CADM2: variants seen among roughly 807,000 people sequenced by gnomAD.
The protein encoded by CADM2 is cell adhesion molecule 2.
Under a neutral mutation model 49.8 loss-of-function variants are expected in CADM2, and 12 were observed. The observed-to-expected ratio is 0.24, with a 90% CI of 0.15 to 0.39. The LOEUF is 0.39. Among genes scored for constraint, CADM2 ranks in the 10% least tolerant of loss-of-function variants. The pLI is 1.00. For missense variants in CADM2, 378 were observed against 492.3 expected, an observed-to-expected ratio of 0.77 and a Z score of 2.20; for synonymous variants, 214 against 175.4, an observed-to-expected ratio of 1.22 and a Z score of -1.74.
chr3:85,339,830 T>A (rs4856566), intron 1 of CADM2, among the ~76,000 whole-genome samples: 124,377 of 151,260 alleles, frequency 0.82, 51,996 homozygotes, highest in Non-Finnish European at 0.88. Flanking sequence ...AACCAGTGAT[T>A]CTTAGATGAT....
intron 1 of CADM2, among the ~76,000 whole-genome samples, chr3:85,236,469 T>A (rs891869523): frequency 6.6e-6 from 1 of 152,082 alleles, no homozygotes; most frequent in Admixed American, 6.6e-5. Context: ...TTCAATTGCA[T>A]ATTTTTAATG....
intron 7 of CADM2, among the ~76,000 whole-genome samples, chr3:85,942,849 C>T (rs558342052): frequency 1.4e-4 from 22 of 152,118 alleles, no homozygotes; most frequent in African/African-American, 5.1e-4. Context: ...GGTATATACC[C>T]AGTAATGGGA....
chr3:85,944,876 G>A (rs1483230935), intron 7 of CADM2, among the ~76,000 whole-genome samples: 1 of 151,934 alleles, frequency 6.6e-6, no homozygotes, highest in Non-Finnish European at 1.5e-5. Flanking sequence ...AACTAGAGAA[G>A]CAAGAGCAAA....
chr3:86,038,740 T>G (rs1266057539), intron 8 of CADM2, among the ~76,000 whole-genome samples: 3 of 152,202 alleles, frequency 2.0e-5, no homozygotes, highest in Admixed American at 6.5e-5. Flanking sequence ...GTCAAATAAC[T>G]CTGCATTTTT....
intron 1 of CADM2, among the ~76,000 whole-genome samples, chr3:85,275,544 T>C (rs770563770): frequency 6.6e-6 from 1 of 151,336 alleles, no homozygotes; most frequent in Admixed American, 6.6e-5. Flanking sequence ...TTAATAAAAA[T>C]ATAAAATCTT....
At chr3:85,959,503 A>T (rs1468762260) in intron 7 of CADM2, among the ~76,000 whole-genome samples, 1 of 151,844 alleles carries the variant, frequency 6.6e-6, no homozygotes, top group Non-Finnish European at 1.5e-5. Context: ...GAAACTTCTG[A>T]TTAGAACATC....
chr3:85,460,047 T>A (rs2038170010), intron 1 of CADM2, among the ~76,000 whole-genome samples: 1 of 152,192 alleles, frequency 6.6e-6, no homozygotes, highest in African/African-American at 2.4e-5. Flanking sequence ...CTGTAAAAAA[T>A]GTTTTCATCT....
intron 1 of CADM2, among the ~76,000 whole-genome samples, chr3:85,574,703 T>G (rs1255393846): frequency 6.6e-6 from 1 of 152,186 alleles, no homozygotes; most frequent in African/African-American, 2.4e-5. Flanking sequence ...ATATACCCAG[T>G]GTAAAATCCT....
chr3:85,355,191 A>G (rs1221985191), intron 1 of CADM2, among the ~76,000 whole-genome samples: 3 of 152,152 alleles, frequency 2.0e-5, no homozygotes. Flanking sequence ...TCAAAACTGC[A>G]AAGAGGGAAG....
intron 2 of CADM2, among the ~76,000 whole-genome samples, chr3:85,795,106 C>T (rs2071545772): frequency 6.6e-6 from 1 of 151,912 alleles, no homozygotes; most frequent in South Asian, 2.1e-4. Context: ...GTGGTAAGAA[C>T]ATTAAAAATC....
intron 1 of CADM2, among the ~76,000 whole-genome samples, chr3:85,462,249 C>T (rs772901171): frequency 4.6e-5 from 7 of 152,126 alleles, no homozygotes; most frequent in Non-Finnish European, 1.0e-4. Flanking sequence ...AACATTGTTA[C>T]TTCAGCCTAT....
intron 1 of CADM2, among the ~76,000 whole-genome samples, chr3:85,555,364 G>A (rs1302781282): frequency 6.6e-6 from 1 of 152,084 alleles, no homozygotes; most frequent in African/African-American, 2.4e-5. Flanking sequence ...TTTTACACAA[G>A]ATCTTAGATG....
chr3:85,687,941 G>T (rs2066265310), intron 1 of CADM2, among the ~76,000 whole-genome samples: 1 of 152,150 alleles, frequency 6.6e-6, no homozygotes, highest in South Asian at 2.1e-4. Flanking sequence ...GGTTCTCATA[G>T]GAGCACAAGC....
chr3:85,762,275 GTACC>G (rs2069428337), intron 2 of CADM2, among the ~76,000 whole-genome samples: 2 of 152,196 alleles, frequency 1.3e-5, no homozygotes, highest in Admixed American at 1.3e-4. Flanking sequence ...TTTGCCGTGT[GTACC>G]TACCTATCTT....
chr3:85,467,440 T>C (rs2038547400), intron 1 of CADM2, among the ~76,000 whole-genome samples: 1 of 152,172 alleles, frequency 6.6e-6, no homozygotes, highest in African/African-American at 2.4e-5. Context: ...AATTTAAGGA[T>C]GATAGCTCTT....
intron 8 of CADM2, among the ~76,000 whole-genome samples, chr3:86,062,685 G>A (rs1183902159): frequency 1.3e-5 from 2 of 152,108 alleles, no homozygotes; most frequent in African/African-American, 4.8e-5. Context: ...CAGCTACTTG[G>A]AAGGCTGAGG....
At chr3:85,676,490 T>G (rs979900879) in intron 1 of CADM2, among the ~76,000 whole-genome samples, 1 of 152,186 alleles carries the variant, frequency 6.6e-6, no homozygotes, top group Non-Finnish European at 1.5e-5. Context: ...ACTTACCTGC[T>G]TATTAAAAGC....
rs1004912080 is a variant in CADM2, at chr3:85,945,223, A to G, written c.791+9366A>G. ...GACACATACACCCTCCCAAGACTAA[A>G]CCAGGAAGAAGTTGAATCTCTGAAT... On this transcript the variant is annotated intron_variant, in intron 7 of 9. Transcript: ENST00000383699. Among the ~76,000 whole-genome samples, 9 of 152,230 alleles carry G rather than the reference A, an allele frequency of 5.9e-5. 1 individual carries two copies. Among genetic ancestry groups the G allele is most frequent in the African/African-American group, 2.2e-4 (9 of 41,564 alleles).
chr3:85,526,955 GCT>G (rs1277944154), intron 1 of CADM2, among the ~76,000 whole-genome samples: 2 of 152,084 alleles, frequency 1.3e-5, no homozygotes, highest in African/African-American at 2.4e-5. Context: ...ATTTTTTAAC[GCT>G]CTTTCTGCAG....
Sources: allele counts gnomAD v4.1 joint callset (sites outside exome capture counted in the v4.1 genomes callset), GRCh38; gene constraint gnomAD v4.1.1; transcripts MANE v1.5; gene names NCBI Gene and HGNC (gene_info 2026-07-23, HGNC 2026-07-21).